CREBL2: variants seen among roughly 807,000 people sequenced by gnomAD.
CREBL2 encodes the protein cAMP-responsive element-binding protein-like 2.
CREBL2 carries 4 observed loss-of-function variants against 19.5 expected under a neutral mutation model. That is an observed-to-expected ratio of 0.20 (90% confidence interval 0.10 to 0.47). The LOEUF (loss-of-function observed/expected upper bound fraction) is 0.47. Ranked by LOEUF, CREBL2 falls within the 20% of genes least tolerant of loss-of-function variation. The probability of loss-of-function intolerance (pLI) is 0.98; values close to 1 mark genes in which losing one functional copy is unlikely to be tolerated. For synonymous variants in CREBL2, 42 were observed against 46.6 expected (o/e 0.90, Z 0.40); for missense variants, 85 against 145.1 (o/e 0.59, Z 2.13).
In CREBL2 at chr12:12,630,219, A is replaced by T. The variant is rs189733224; in HGVS notation, c.16-5558A>T. On this transcript the variant is annotated intron_variant, in intron 1 of 3. Transcript: ENST00000228865. The stretch of plus-strand genomic sequence containing the variant: ...TTCATTAGTGAAGTCATGTAAACCT[A>T]GGCTTTTCTTTGATTACTAATCGAA... 1.6e-3 allele frequency among the ~76,000 whole-genome samples: 245 copies of T among 152,268 alleles called. 1 individual carries two copies. Among genetic ancestry groups the T allele is most frequent in the African/African-American group, 5.5e-3 (230 of 41,570 alleles).
intron 1 of CREBL2, 56 bp from the exon 2 acceptor site, chr12:12,635,721 C>T (rs758397257): frequency 7.0e-5 from 107 of 1,536,304 alleles, no homozygotes; most frequent in Middle Eastern, 1.7e-4. Context: ...CAGCCATATT[C>T]ACTTTTCTGT....
At position 12,612,072 on chromosome 12, in the gene CREBL2, C is replaced by G; in HGVS notation, c.-101C>G. 1 of 1,445,248 alleles carries G rather than the reference C, an allele frequency of 6.9e-7. No individual in the cohort carries two copies. The highest frequency in any genetic ancestry group is 9.6e-7 in the Non-Finnish European group (1 of 1,039,910). The allele number at this position is 1,445,248 out of a possible 1,614,324, so 89.5% of individuals were successfully genotyped here. Reference sequence around the variant, plus strand: ...AGGCGAGAGGAGGAGGCAGCCAGAACCATATCCCCTTCTTCCTCGGGGCGG... The same window carrying G: ...AGGCGAGAGGAGGAGGCAGCCAGAAGCATATCCCCTTCTTCCTCGGGGCGG... On this transcript the variant is annotated 5_prime_UTR_variant, in exon 1 of 4. Coordinates refer to ENST00000228865, the MANE Select transcript of CREBL2 (RefSeq NM_001310.4).
chr12:12,636,676 C>G (rs969366557), intron 2 of CREBL2, among the ~76,000 whole-genome samples: 3 of 152,216 alleles, frequency 2.0e-5, no homozygotes, highest in African/African-American at 7.2e-5. Context: ...TCGCCTTGGC[C>G]TCCCAAAGTG....
chr12:12,618,399 T>A (rs556041196), intron 1 of CREBL2, among the ~76,000 whole-genome samples: 24 of 151,004 alleles, frequency 1.6e-4, no homozygotes, highest in African/African-American at 5.4e-4. Context: ...GATGGGGTCA[T>A]GGTGGGGCAG....
At chr12:12,612,257 G>A in intron 1 of CREBL2, 70 bp downstream of exon 1, 1 of 1,611,496 alleles carries the variant, frequency 6.2e-7, no homozygotes, top group Non-Finnish European at 8.5e-7. Context: ...CTGAACCTCC[G>A]CTATGTAGTC....
At chr12:12,612,575 C>T (rs1006601110) in intron 1 of CREBL2, among the ~76,000 whole-genome samples, 1 of 152,098 alleles carries the variant, frequency 6.6e-6, no homozygotes. Flanking sequence ...TGACGATTCC[C>T]CTTCTCTCAG....
intron 1 of CREBL2, among the ~76,000 whole-genome samples, chr12:12,625,078 C>T (rs1431315370): frequency 2.0e-5 from 3 of 152,108 alleles, no homozygotes; most frequent in Non-Finnish European, 2.9e-5. Flanking sequence ...CTACCAGTCT[C>T]GTCTGGGGGT....
chr12:12,641,714 A>T (rs1945523660), intron 3 of CREBL2, among the ~76,000 whole-genome samples: 1 of 152,134 alleles, frequency 6.6e-6, no homozygotes, highest in African/African-American at 2.4e-5. Context: ...TGACAAGTGC[A>T]CTAAAATATC....
intron 1 of CREBL2, among the ~76,000 whole-genome samples, chr12:12,629,836 A>G (rs1945429335): frequency 1.3e-5 from 2 of 152,066 alleles, no homozygotes; most frequent in African/African-American, 4.8e-5. Flanking sequence ...ATTTCTGTCA[A>G]GTCCTTTTTT....
At chr12:12,636,933 G>A (rs1945479676) in intron 2 of CREBL2, among the ~76,000 whole-genome samples, 1 of 152,174 alleles carries the variant, frequency 6.6e-6, no homozygotes, top group African/African-American at 2.4e-5. Context: ...AAGACAACAA[G>A]GTTGGAACAT....
At chr12:12,619,601 ACT>A (rs1433081250) in intron 1 of CREBL2, among the ~76,000 whole-genome samples, 1 of 97,416 alleles carries the variant, frequency 1.0e-5, no homozygotes, top group African/African-American at 3.3e-5. Context: ...GTGGAGCCAG[ACT>A]CTGTCTCAAA....
chr12:12,636,838 T>C (rs1592242364), intron 2 of CREBL2, among the ~76,000 whole-genome samples: 1 of 152,304 alleles, frequency 6.6e-6, no homozygotes, highest in Middle Eastern at 3.4e-3. Context: ...TATTGTGAGC[T>C]GAGGGAGGAA....
chr12:12,623,719 T>C (rs368959099), intron 1 of CREBL2, among the ~76,000 whole-genome samples: 6 of 152,252 alleles, frequency 3.9e-5, no homozygotes, highest in African/African-American at 1.2e-4. Flanking sequence ...CATGTCTGAA[T>C]CCCTGGAACC....
chr12:12,617,643 CTTTTTTTTTTTTTTTTTTTT>C (rs66943066), intron 1 of CREBL2, among the ~76,000 whole-genome samples: 632 of 38,776 alleles, frequency 0.016, 19 homozygotes, highest in East Asian at 0.044. Context: ...TTTAGTAATT[CTTTTTTTTTTTTTTTTTTTT>C]TTTTTTTTTT....
chr12:12,637,745 T>G, intron 3 of CREBL2, 31 bp downstream of exon 3: 1 of 1,583,178 alleles, frequency 6.3e-7, no homozygotes. Flanking sequence ...AATTTATATT[T>G]AAGAGAGTGT....
At chr12:12,625,009 C>T (rs1001045021) in intron 1 of CREBL2, among the ~76,000 whole-genome samples, 7 of 152,278 alleles carry the variant, frequency 4.6e-5, no homozygotes, top group South Asian at 2.1e-4. Context: ...GAAGTTATGC[C>T]GTCAAGCCAT....
Position 12,614,824 on chromosome 12 carries a change from C to G in CREBL2, c.15+2637C>G, listed in dbSNP as rs4763855. On this transcript the variant is annotated intron_variant, in intron 1 of 3. Coordinates refer to ENST00000228865, the MANE Select transcript of CREBL2 (RefSeq NM_001310.4). ...TGCTGGGTAACATTGTAGACTCTTC[C>G]AGTTTTGCCATAGTAAGATTTGTAG... 4 of 342,448 alleles carry G rather than the reference C, an allele frequency of 1.2e-5. No individual in the cohort carries two copies. In the East Asian group the frequency reaches 3.4e-4, roughly 29 times the overall value. The allele number at this position is 342,448 out of a possible 1,614,324, so 21.2% of individuals were successfully genotyped here. A position where few individuals can be genotyped will look rare whatever the true frequency, so the allele number is the denominator to read the frequency against.
chr12:12,621,339 A>G (rs897025365), intron 1 of CREBL2, among the ~76,000 whole-genome samples: 4 of 152,088 alleles, frequency 2.6e-5, no homozygotes, highest in Non-Finnish European at 5.9e-5. Context: ...ACTAACATAG[A>G]GAAACCCCAT....
At chr12:12,623,342 G>A (rs914545728) in intron 1 of CREBL2, among the ~76,000 whole-genome samples, 1 of 151,672 alleles carries the variant, frequency 6.6e-6, no homozygotes, top group African/African-American at 2.4e-5. Context: ...AAATGTGTGA[G>A]TCCACTAAAA....
Sources: gnomAD v4.1 joint callset for allele counts (sites outside exome capture counted in the v4.1 genomes callset) on GRCh38, gnomAD v4.1.1 for gene constraint, MANE v1.5 for transcripts, NCBI Gene and HGNC (gene_info 2026-07-23, HGNC 2026-07-21) for gene names.